ARHGAP8: variants seen among roughly 807,000 people sequenced by gnomAD.
The protein encoded by ARHGAP8 is rho GTPase-activating protein 8.
In ARHGAP8, 62 loss-of-function variants were observed where a neutral mutation model predicts 46.1. The ratio of observed to expected loss-of-function variants is 1.34; its 90% CI spans 1.10 to 1.66. The LOEUF is 1.66. Among genes scored for constraint, ARHGAP8 ranks in the 40% most tolerant of loss-of-function variants. The probability of loss-of-function intolerance (pLI) is 0.00; values close to 1 mark genes in which losing one functional copy is unlikely to be tolerated. For synonymous variants in ARHGAP8, 375 were observed against 243.1 expected, an observed-to-expected ratio of 1.54 and a Z score of -5.05; for missense variants, 923 against 568.4, an observed-to-expected ratio of 1.62 and a Z score of -6.34.
In ARHGAP8 at chr22:44,848,034, G is replaced by A. The variant is rs146192709; in HGVS notation, c.732G>A (p.Gln244=). The A allele has an allele frequency of 3.1e-6, 5 of 1,607,300 alleles. No individual in the cohort carries two copies. The highest frequency in any genetic ancestry group is 4.2e-6 in the Non-Finnish European group (5 of 1,179,956). The change falls in exon 9 of 12, where the codon CAG becomes CAA. Residue 244 remains glutamine, a synonymous_variant. Coordinates refer to ENST00000356099, the MANE Select transcript of ARHGAP8 (RefSeq NM_181335.3). ...GCGTGCAGACCGTCCGCGAGATCCA[G>A]AGGCTCTACAACCAAGGTGAGGGTG... ...SASVQTVREI[Q]RLYNQGKPVN...
intron 2 of ARHGAP8, among the ~76,000 whole-genome samples, chr22:44,801,449 G>A (rs1489620595): frequency 0.021 from 1,433 of 68,126 alleles, 13 homozygotes; most frequent in Admixed American, 0.033. Flanking sequence ...ACCTCTCCCC[G>A]CAGCTGTCCG....
At chr22:44,854,684 G>A (rs1247882983) in intron 10 of ARHGAP8, among the ~76,000 whole-genome samples, 1 of 152,144 alleles carries the variant, frequency 6.6e-6, no homozygotes, top group African/African-American at 2.4e-5. Context: ...TGTTGCCCAG[G>A]CTGGAGTGCA....
chr22:44,773,448 G>T (rs906120351), intron 1 of ARHGAP8, among the ~76,000 whole-genome samples: 3 of 152,174 alleles, frequency 2.0e-5, no homozygotes, highest in Admixed American at 1.3e-4. Flanking sequence ...TTTCCCAAAA[G>T]ACCCTAAATA....
chr22:44,808,733 G>A (rs1929120218), intron 4 of ARHGAP8: 2 of 545,900 alleles, frequency 3.7e-6, no homozygotes, highest in Non-Finnish European at 6.9e-6. Context: ...GGAGGCCAAG[G>A]TGGGTGGATC....
intron 7 of ARHGAP8, among the ~76,000 whole-genome samples, chr22:44,829,706 G>A (rs908080881): frequency 7.3e-5 from 11 of 151,468 alleles, no homozygotes. Context: ...CACTAGATAT[G>A]TAATTTGTTT....
At chr22:44,862,236 G>A (rs371151272) in intron 11 of ARHGAP8, 39 bp from the exon 12 acceptor site, 91 of 1,551,216 alleles carry the variant, frequency 5.9e-5, no homozygotes, top group African/African-American at 5.3e-4. Context: ...CGTGCCCCTT[G>A]GTGTTCACTC....
chr22:44,822,871 C>T (rs911281036), intron 6 of ARHGAP8, among the ~76,000 whole-genome samples: 22 of 152,212 alleles, frequency 1.4e-4, no homozygotes, highest in Admixed American at 2.6e-4. Flanking sequence ...CTCTAGAAAA[C>T]GACCTGTCTC....
chr22:44,859,529 C>T (rs571181473), intron 10 of ARHGAP8: 1 of 596,280 alleles, frequency 1.7e-6, no homozygotes, highest in Non-Finnish European at 3.0e-6. Context: ...ATAAATAACC[C>T]CATCTCAGCA....
At chr22:44,776,048 T>A (rs1333088432) in intron 1 of ARHGAP8, among the ~76,000 whole-genome samples, 13 of 152,108 alleles carry the variant, frequency 8.5e-5, no homozygotes, top group Admixed American at 7.9e-4. Flanking sequence ...ACCTCCAGAT[T>A]TCAGGTCCCA....
At chr22:44,860,157 T>A (rs879288659) in intron 11 of ARHGAP8, among the ~76,000 whole-genome samples, 1 of 149,282 alleles carries the variant, frequency 6.7e-6, no homozygotes, top group Non-Finnish European at 1.5e-5. Flanking sequence ...CTCTAGGAGG[T>A]GGGAGCTGTG....
At chr22:44,820,829 C>T (rs890719478) in intron 5 of ARHGAP8, among the ~76,000 whole-genome samples, 2 of 152,140 alleles carry the variant, frequency 1.3e-5, no homozygotes, top group Admixed American at 6.5e-5. Flanking sequence ...CGGCCTCCCT[C>T]GGGGCTCCTT....
At chr22:44,859,087 C>T (rs1156538389) in intron 10 of ARHGAP8, among the ~76,000 whole-genome samples, 2 of 151,834 alleles carry the variant, frequency 1.3e-5, no homozygotes, top group Admixed American at 6.6e-5. Flanking sequence ...TGGTCTAGAC[C>T]ACTCCCATTT....
chr22:44,783,987 T>C (rs978476016), intron 1 of ARHGAP8, among the ~76,000 whole-genome samples: 3 of 152,194 alleles, frequency 2.0e-5, no homozygotes, highest in Non-Finnish European at 4.4e-5. Context: ...ACGGGTTCTG[T>C]ATCCAAGGAT....
intron 1 of ARHGAP8, among the ~76,000 whole-genome samples, chr22:44,777,861 A>G (rs564819580): frequency 6.6e-6 from 1 of 152,012 alleles, no homozygotes; most frequent in East Asian, 1.9e-4. Flanking sequence ...ATGCCCAGCT[A>G]ATTTTTGTAT....
chr22:44,828,838 TG>T (rs1457496763), intron 7 of ARHGAP8, among the ~76,000 whole-genome samples: 5 of 152,144 alleles, frequency 3.3e-5, no homozygotes, highest in Non-Finnish European at 7.4e-5. Flanking sequence ...TCTGCTGGGC[TG>T]ATACTGCTTC....
chr22:44,764,014 G>A (rs886189043), intron 1 of ARHGAP8, among the ~76,000 whole-genome samples: 10 of 151,860 alleles, frequency 6.6e-5, no homozygotes, highest in African/African-American at 1.9e-4. Context: ...GGGTTTCACC[G>A]TGTTAGCCAG....
chr22:44,859,256 C>T lies in ARHGAP8; in HGVS notation c.878-475C>T, dbSNP rs111652901. On this transcript the variant is annotated intron_variant, in intron 10 of 11. Coordinates refer to ENST00000356099, the MANE Select transcript of ARHGAP8 (RefSeq NM_181335.3). ...AAACTTTGGAGGTGGGGACTGGTGG[C>T]AGGTGATTGGATCATGAGGGCAGAT... Among the ~76,000 whole-genome samples, 37 of 152,248 alleles carry T rather than the reference C, an allele frequency of 2.4e-4. 1 individual carries two copies. Among genetic ancestry groups the T allele is most frequent in the African/African-American group, 8.9e-4 (37 of 41,534 alleles).
chr22:44,837,531 A>T (rs552879562), intron 7 of ARHGAP8, among the ~76,000 whole-genome samples: 5 of 152,276 alleles, frequency 3.3e-5, no homozygotes, highest in African/African-American at 1.2e-4. Context: ...GCACATTGAG[A>T]TGCACGAGAT....
At chr22:44,813,532 C>T (rs13054446) in intron 4 of ARHGAP8, among the ~76,000 whole-genome samples, 51,234 of 150,342 alleles carry the variant, frequency 0.34, 9,236 homozygotes, top group East Asian at 0.51. Flanking sequence ...TACACACCTA[C>T]GTATACTATA....
Sources: gnomAD v4.1 joint callset for allele counts (sites outside exome capture counted in the v4.1 genomes callset) on GRCh38, gnomAD v4.1.1 for gene constraint, MANE v1.5 for transcripts, NCBI Gene and HGNC (gene_info 2026-07-23, HGNC 2026-07-21) for gene names.